ZFHX3: variants seen among roughly 807,000 people sequenced by gnomAD.
ZFHX3 encodes zinc finger homeobox 3, also known as zinc finger homeobox protein 3.
A neutral mutation model predicts 279.1 loss-of-function variants in ZFHX3; 42 were observed. The observed-to-expected ratio is 0.15, with a 90% CI of 0.12 to 0.19. The LOEUF is 0.19. Among genes scored for constraint, ZFHX3 ranks in the 10% least tolerant of loss-of-function variants. The pLI, the probability that ZFHX3 is intolerant of heterozygous loss-of-function variation, is 1.00. For missense variants in ZFHX3, 4,981 were observed against 4,754.0 expected (o/e 1.05, Z -1.40); for synonymous variants, 2,293 against 1,957.8 (o/e 1.17, Z -4.52).
intron 1 of ZFHX3, among the ~76,000 whole-genome samples, chr16:73,687,018 A>G (rs2053093269): frequency 1.8e-4 from 3 of 16,844 alleles, no homozygotes; most frequent in Non-Finnish European, 3.2e-4. Flanking sequence ...CTAAATATAT[A>G]TATATATATA....
chr16:73,471,689 G>T (rs1399968171), intron 2 of ZFHX3, among the ~76,000 whole-genome samples: 1 of 152,184 alleles, frequency 6.6e-6, no homozygotes. Flanking sequence ...TAGGGGTCAG[G>T]ATACCCTCAA....
intron 2 of ZFHX3, among the ~76,000 whole-genome samples, chr16:73,498,349 A>G (rs534669275): frequency 6.6e-6 from 1 of 152,318 alleles, no homozygotes; most frequent in African/African-American, 2.4e-5. Context: ...GACATGTTTG[A>G]CATCTTGATG....
chr16:73,689,826 G>GTT (rs1292578499), intron 1 of ZFHX3, among the ~76,000 whole-genome samples: 1 of 149,364 alleles, frequency 6.7e-6, no homozygotes, highest in African/African-American at 2.5e-5. Context: ...TGTTTTTTTT[G>GTT]TTGTTGTTGT....
intron 3 of ZFHX3, among the ~76,000 whole-genome samples, chr16:73,438,788 T>A (rs934363147): frequency 6.6e-6 from 1 of 152,228 alleles, no homozygotes. Context: ...ATAAAATGTG[T>A]GGTAATTGCC....
intron 5 of ZFHX3, among the ~76,000 whole-genome samples, chr16:73,233,601 TG>T (rs2012848156): frequency 1.3e-5 from 2 of 152,194 alleles, no homozygotes; most frequent in South Asian, 4.1e-4. Context: ...TGGACAGCCA[TG>T]GGGGTGCCAG....
At chr16:73,363,454 A>G (rs1052127414) in intron 3 of ZFHX3, among the ~76,000 whole-genome samples, 1 of 152,132 alleles carries the variant, frequency 6.6e-6, no homozygotes, top group African/African-American at 2.4e-5. Flanking sequence ...TTTTATCTCC[A>G]TCTCCTCACC....
intron 1 of ZFHX3, among the ~76,000 whole-genome samples, chr16:73,842,633 A>G (rs1961340131): frequency 6.6e-6 from 1 of 152,190 alleles, no homozygotes; most frequent in Non-Finnish European, 1.5e-5. Context: ...GGACAGTGAC[A>G]GCCAAGGCTC....
intron 5 of ZFHX3, among the ~76,000 whole-genome samples, chr16:73,155,122 A>G (rs1026069387): frequency 7.3e-5 from 11 of 151,544 alleles, no homozygotes; most frequent in African/African-American, 2.2e-4. Flanking sequence ...CAAGTGAGCT[A>G]AGATTGGGCC....
chr16:73,172,931 G>GTT (rs376709821), intron 5 of ZFHX3, among the ~76,000 whole-genome samples: 9,123 of 97,022 alleles, frequency 0.094, 545 homozygotes, highest in Middle Eastern at 0.19. Flanking sequence ...GCTGCCTGTG[G>GTT]TTTTTTTTTT....
At chr16:73,832,904 G>C (rs1406749226) in intron 1 of ZFHX3, among the ~76,000 whole-genome samples, 1 of 152,082 alleles carries the variant, frequency 6.6e-6, no homozygotes, top group Non-Finnish European at 1.5e-5. Flanking sequence ...ATTTGGGGAG[G>C]ATTTTGAAAT....
chr16:72,794,095 T>G lies in ZFHX3; in HGVS notation c.8587A>C (p.Thr2863Pro), dbSNP rs1219918513. Residue 2863 changes from threonine to proline, a missense_variant, in exon 9 of 10, where the codon ACT becomes CCT. Physicochemically the swap from Thr to Pro is conservative, Grantham distance 38 (BLOSUM62 -1). Transcript: ENST00000268489. This position sits in a 1 kb window ranked among gnomAD's most constrained non-coding sequence, Gnocchi z 4.2. ...GGTGCAGAAGAGGATTTGGTTTCAG[T>G]TGCTATTCCCGTTGCACTGTCGTTA... is the stretch of plus-strand genomic sequence containing the variant. ...ADNDSATGIA[T>P]ETKSSSAPNE... The G allele has an allele frequency of 6.2e-7, 1 of 1,614,238 alleles. No individual in the cohort carries two copies. Among genetic ancestry groups the G allele is most frequent in the East Asian group, 2.2e-5 (1 of 44,880 alleles).
intron 2 of ZFHX3, among the ~76,000 whole-genome samples, chr16:73,544,310 C>A (rs568973101): frequency 2.0e-5 from 3 of 152,166 alleles, no homozygotes; most frequent in Non-Finnish European, 4.4e-5. Flanking sequence ...TAGAATGCAT[C>A]AGAGCACAGT....
chr16:73,873,245 G>C (rs1479291131), intron 1 of ZFHX3, among the ~76,000 whole-genome samples: 1 of 96,198 alleles, frequency 1.0e-5, no homozygotes, highest in African/African-American at 3.9e-5. Context: ...GGTAGTGGGT[G>C]GTTGGGTGGC....
intron 1 of ZFHX3, among the ~76,000 whole-genome samples, chr16:73,834,641 C>T (rs1961089434): frequency 6.6e-6 from 1 of 152,210 alleles, no homozygotes; most frequent in Admixed American, 6.5e-5. Flanking sequence ...GCCTGTAATC[C>T]CAGCATTTTG....
intron 2 of ZFHX3, among the ~76,000 whole-genome samples, chr16:72,951,744 G>C (rs1432870289): frequency 6.6e-6 from 1 of 152,240 alleles, no homozygotes; most frequent in East Asian, 1.9e-4. Flanking sequence ...GAATGTATCT[G>C]AGGTGGCAGT....
At chr16:73,554,085 G>A (rs551986712) in intron 2 of ZFHX3, among the ~76,000 whole-genome samples, 5 of 152,188 alleles carry the variant, frequency 3.3e-5, no homozygotes, top group East Asian at 1.9e-4. Context: ...TCTTTTCTTC[G>A]TCAATGTGTT....
chr16:73,838,257 T>C (rs527838957), intron 1 of ZFHX3, among the ~76,000 whole-genome samples: 22 of 152,334 alleles, frequency 1.4e-4, no homozygotes, highest in African/African-American at 5.3e-4. Flanking sequence ...GCCAGAGCTG[T>C]AGCCAACATA....
intron 4 of ZFHX3, among the ~76,000 whole-genome samples, chr16:72,872,015 T>C (rs1281048924): frequency 1.3e-5 from 2 of 150,950 alleles, no homozygotes; most frequent in East Asian, 3.9e-4. Flanking sequence ...AACCCGGGAG[T>C]CGGAGCTTGC....
At chr16:73,468,973 A>G (rs531603366) in intron 2 of ZFHX3, among the ~76,000 whole-genome samples, 1 of 152,314 alleles carries the variant, frequency 6.6e-6, no homozygotes, top group South Asian at 2.1e-4. Flanking sequence ...AGTGCTTTAG[A>G]ATTTAACAAG....
Sources: gnomAD v4.1 joint callset for allele counts (sites outside exome capture counted in the v4.1 genomes callset) on GRCh38, gnomAD v4.1.1 for gene constraint, Gnocchi (gnomAD v3.1) non-coding constraint, MANE v1.5 for transcripts, NCBI Gene and HGNC (gene_info 2026-07-23, HGNC 2026-07-21) for gene names.